The following KLF3 variants were observed in gnomAD, a reference collection of about 807,000 sequenced individuals.
The protein encoded by KLF3 is KLF transcription factor 3, also known as Krueppel-like factor 3.
A neutral mutation model predicts 32.7 loss-of-function variants in KLF3; 6 were observed. That is an observed-to-expected ratio of 0.18 (90% CI 0.10 to 0.36). The LOEUF (loss-of-function observed/expected upper bound fraction) is 0.36. Ranked by LOEUF, KLF3 falls within the 10% of genes least tolerant of loss-of-function variation. The pLI, the probability that KLF3 is intolerant of heterozygous loss-of-function variation, is 1.00. For synonymous variants in KLF3, 145 were observed against 172.8 expected, an observed-to-expected ratio of 0.84 and a Z score of 1.26; for missense variants, 338 against 449.7, an observed-to-expected ratio of 0.75 and a Z score of 2.25.
intron 4 of KLF3, among the ~76,000 whole-genome samples, chr4:38,691,535 C>A (rs1285851965): frequency 6.6e-6 from 1 of 152,138 alleles, no homozygotes; most frequent in Non-Finnish European, 1.5e-5. Context: ...ATTCCAAAGT[C>A]TGGGTTATTA....
rs1723156721 is a variant in KLF3, at chr4:38,700,043, G to T, written c.*2780G>T. 1 of 152,196 alleles carries T rather than the reference G, an allele frequency of 6.6e-6. No homozygotes were observed. Among genetic ancestry groups the T allele is most frequent in the Admixed American group, 6.5e-5 (1 of 15,280 alleles). 9.4% of individuals were successfully genotyped at this position (152,196 alleles called of 1,614,324 possible). A position where few individuals can be genotyped will look rare whatever the true frequency, so the allele number is the denominator to read the frequency against. ...TTACGTAAATTCTGTTTGTTATAGA[G>T]TTTCTTCAGTTGTTACCCAAGTGTC... On this transcript the variant is annotated 3_prime_UTR_variant, in exon 6 of 6. Coordinates refer to ENST00000261438, the MANE Select transcript of KLF3 (RefSeq NM_016531.6).
chr4:38,697,279 G>A lies in KLF3; in HGVS notation c.*16G>A. 3.2e-6 allele frequency: 5 copies of A among 1,579,148 alleles called. No individual in the cohort carries two copies. The South Asian group carries it at 3.4e-5, about 11-fold the overall frequency. On this transcript the variant is annotated 3_prime_UTR_variant, in exon 6 of 6. Transcript: ENST00000261438. The stretch of plus-strand genomic sequence containing the variant: ...GCTAGTCTGATTGCCTCTGTGTCCT[G>A]CCTCAGCGTGACTCCCCACTCACCT...
At chr4:38,664,773 A>G (rs1269264864) in intron 1 of KLF3, 2 of 151,506 alleles carry the variant, frequency 1.3e-5, no homozygotes, top group East Asian at 2.0e-4. Context: ...CGTCCCGGGC[A>G]GGGCGCGGGC....
intron 1 of KLF3, among the ~76,000 whole-genome samples, chr4:38,667,410 G>T (rs779612105): frequency 7.9e-5 from 12 of 152,144 alleles, no homozygotes; most frequent in Non-Finnish European, 1.3e-4. Context: ...CCCACCCATG[G>T]AGTTATCATG....
intron 4 of KLF3, among the ~76,000 whole-genome samples, chr4:38,692,720 A>G (rs1011108663): frequency 1.3e-5 from 2 of 152,190 alleles, no homozygotes; most frequent in Non-Finnish European, 2.9e-5. Context: ...TGGAAAGGGC[A>G]GTCAGAATTA....
intron 1 of KLF3, among the ~76,000 whole-genome samples, chr4:38,675,666 G>A (rs1399351397): frequency 2.6e-5 from 4 of 152,198 alleles, no homozygotes; most frequent in Non-Finnish European, 4.4e-5. Context: ...TTGGCCAACT[G>A]GATTGATTTA....
intron 5 of KLF3, among the ~76,000 whole-genome samples, chr4:38,696,023 A>C (rs971215034): frequency 6.6e-6 from 1 of 152,094 alleles, no homozygotes; most frequent in Non-Finnish European, 1.5e-5. Flanking sequence ...GAGAGAGCTG[A>C]GGGTGATAGC....
chr4:38,685,529 C>T (rs1722666319), intron 2 of KLF3, among the ~76,000 whole-genome samples: 1 of 152,104 alleles, frequency 6.6e-6, no homozygotes, highest in African/African-American at 2.4e-5. Context: ...ATTAGATTTG[C>T]AAATCTGGAG....
At chr4:38,693,107 CA>C (rs960357773) in intron 4 of KLF3, among the ~76,000 whole-genome samples, 1 of 41,278 alleles carries the variant, frequency 2.4e-5, no homozygotes, top group African/African-American at 9.3e-5. Flanking sequence ...TATATATGTA[CA>C]TATATATACA....
intron 1 of KLF3, among the ~76,000 whole-genome samples, chr4:38,679,640 G>A (rs555740811): frequency 1.1e-4 from 17 of 152,298 alleles, no homozygotes; most frequent in Non-Finnish European, 2.1e-4. Context: ...CTAATAAAGA[G>A]GAAGAAGTTA....
At chr4:38,680,009 T>C (rs1722471229) in intron 1 of KLF3, among the ~76,000 whole-genome samples, 1 of 152,014 alleles carries the variant, frequency 6.6e-6, no homozygotes, top group African/African-American at 2.4e-5. Context: ...GGGCTGTACA[T>C]AGTGTTCCAG....
intron 1 of KLF3, among the ~76,000 whole-genome samples, chr4:38,673,116 C>T (rs1055704838): frequency 1.3e-5 from 2 of 152,226 alleles, no homozygotes; most frequent in Non-Finnish European, 2.9e-5. Flanking sequence ...CAGTGGCTCT[C>T]TGGGAGGAAC....
chr4:38,690,148 A>AT lies in KLF3; in HGVS notation c.695+274dup. 1.7e-5 allele frequency: 7 copies of AT among 402,178 alleles called. No homozygotes were observed. The East Asian group carries it at 2.7e-4, about 15-fold the overall frequency. The allele number at this position is 402,178 out of a possible 1,614,324, so 24.9% of individuals were successfully genotyped here. A position where few individuals can be genotyped will look rare whatever the true frequency, so the allele number is the denominator to read the frequency against. On this transcript the variant is annotated intron_variant, in intron 4 of 5. Coordinates refer to ENST00000261438, the MANE Select transcript of KLF3 (RefSeq NM_016531.6). ...GATTTTGCACCTTACCACATGAATT[A>AT]TTTTTGTTTTTTTTCCATTCTTCCA...
Position 38,697,483 on chromosome 4 carries a change from C to CTT in KLF3, c.*233_*234dup, listed in dbSNP as rs759143242. On this transcript the variant is annotated 3_prime_UTR_variant, in exon 6 of 6. Transcript: ENST00000261438. ...GGGTCAGACCTAAAGAATGTGAACA[C>CTT]TTTTTTTTTTTTTTCTGGGGATGCT... 4.2e-3 allele frequency: 1,430 copies of CTT among 341,558 alleles called. No homozygotes were observed. Among genetic ancestry groups the CTT allele is most frequent in the East Asian group, 6.0e-3 (135 of 22,486 alleles). The allele number at this position is 341,558 out of a possible 1,614,324, so 21.2% of individuals were successfully genotyped here.
intron 1 of KLF3, among the ~76,000 whole-genome samples, chr4:38,669,443 C>T (rs1027824158): frequency 6.6e-6 from 1 of 151,998 alleles, no homozygotes; most frequent in African/African-American, 2.4e-5. Flanking sequence ...AGCAGTCTGC[C>T]CTGATAAGGG....
Position 38,699,719 on chromosome 4 carries a change from G to A in KLF3, c.*2456G>A, listed in dbSNP as rs765384495. On this transcript the variant is annotated 3_prime_UTR_variant, in exon 6 of 6. Transcript: ENST00000261438. Reference sequence around the variant, plus strand: ...TTAACAGTTCATTTAACAAAGATCCGTTTTAACTCTGAACAAAAGCAACCC... The same window carrying A: ...TTAACAGTTCATTTAACAAAGATCCATTTTAACTCTGAACAAAAGCAACCC... 6.6e-6 allele frequency: 1 copy of A among 152,166 alleles called. No individual in the cohort carries two copies. The allele number at this position is 152,166 out of a possible 1,614,324, so 9.4% of individuals were successfully genotyped here. A position where few individuals can be genotyped will look rare whatever the true frequency, so the allele number is the denominator to read the frequency against.
At chr4:38,692,193 A>G (rs199899422) in intron 4 of KLF3, among the ~76,000 whole-genome samples, 1 of 152,226 alleles carries the variant, frequency 6.6e-6, no homozygotes, top group East Asian at 1.9e-4. Context: ...AAAACAGTGG[A>G]CAAGATATCT....
At chr4:38,695,014 T>A in intron 5 of KLF3, 108 bp downstream of exon 5, 1 of 988,072 alleles carries the variant, frequency 1.0e-6, no homozygotes, top group Non-Finnish European at 1.5e-6. Context: ...GTCACCACAG[T>A]CATCTCCAGA....
chr4:38,684,909 G>A (rs1053472133), intron 2 of KLF3, among the ~76,000 whole-genome samples: 5 of 152,108 alleles, frequency 3.3e-5, no homozygotes, highest in African/African-American at 7.2e-5. Context: ...AGGCAGAAGC[G>A]GGAAAGACCC....
Sources: allele counts gnomAD v4.1 joint callset (sites outside exome capture counted in the v4.1 genomes callset), GRCh38; gene constraint gnomAD v4.1.1; transcripts MANE v1.5; gene names NCBI Gene and HGNC (gene_info 2026-07-23, HGNC 2026-07-21).